Variants in ITPRID1 observed in about 807,000 individuals in gnomAD.
The protein encoded by ITPRID1 is protein ITPRID1.
In ITPRID1, 96 loss-of-function variants were observed where a neutral mutation model predicts 95.4. That is an observed-to-expected ratio of 1.01 (90% CI 0.85 to 1.19). The LOEUF (loss-of-function observed/expected upper bound fraction) is 1.19, where lower values mean the gene tolerates loss of function less well. Among genes scored for constraint, ITPRID1 ranks in the 50% most tolerant of loss-of-function variants. The probability of loss-of-function intolerance (pLI) is 0.00; values close to 1 mark genes in which losing one functional copy is unlikely to be tolerated. For missense variants in ITPRID1, 1,339 were observed against 1,252.9 expected, an observed-to-expected ratio of 1.07 and a Z score of -1.04; for synonymous variants, 510 against 453.6, an observed-to-expected ratio of 1.12 and a Z score of -1.58.
chr7:31,577,457 G>A (rs1785226492), intron 8 of ITPRID1, among the ~76,000 whole-genome samples: 3 of 152,158 alleles, frequency 2.0e-5, no homozygotes, highest in Admixed American at 1.3e-4. Context: ...AGTGATGGTA[G>A]GAATACACAT....
At chr7:31,612,093 G>T (rs1786894555) in intron 10 of ITPRID1, among the ~76,000 whole-genome samples, 1 of 151,726 alleles carries the variant, frequency 6.6e-6, no homozygotes. Flanking sequence ...TTTCAAGGTT[G>T]CTGATTCTTT....
chr7:31,557,147 C>T (rs986566495), intron 5 of ITPRID1, among the ~76,000 whole-genome samples: 1 of 152,022 alleles, frequency 6.6e-6, no homozygotes, highest in African/African-American at 2.4e-5. Flanking sequence ...TAACAATCCA[C>T]AAAGACCCTA....
At chr7:31,626,292 G>A (rs1373589268) in intron 10 of ITPRID1, among the ~76,000 whole-genome samples, 1 of 152,042 alleles carries the variant, frequency 6.6e-6, no homozygotes, top group Non-Finnish European at 1.5e-5. Context: ...TTAAAATTAG[G>A]CCAACTGCAT....
At position 31,574,537 on chromosome 7, in the gene ITPRID1, C is replaced by T. The variant is rs1785106161; in HGVS notation, c.396-3C>T. On this transcript the variant is annotated splice_polypyrimidine_tract_variant and splice_region_variant and intron_variant, in intron 7 of 14. Coordinates refer to ENST00000615280, the MANE Select transcript of ITPRID1 (RefSeq NM_001257967.3). ...ATAAAGATATTCATATTTTTTACCA[C>T]AGCATTCCTGAATGGCTGGAATTTT... is the stretch of plus-strand genomic sequence containing the variant. The T allele has an allele frequency of 2.5e-6, 4 of 1,612,368 alleles. No homozygotes were observed. Among genetic ancestry groups the T allele is most frequent in the Non-Finnish European group, 3.4e-6 (4 of 1,178,536 alleles).
chr7:31,528,769 T>C (rs1783500206), intron 1 of ITPRID1, among the ~76,000 whole-genome samples: 2 of 152,146 alleles, frequency 1.3e-5, no homozygotes, highest in Non-Finnish European at 2.9e-5. Flanking sequence ...TCCTCTTTAA[T>C]CTCAGAACTT....
At chr7:31,562,082 G>A (rs1445353928) in intron 5 of ITPRID1, among the ~76,000 whole-genome samples, 1 of 96,498 alleles carries the variant, frequency 1.0e-5, no homozygotes, top group Non-Finnish European at 2.3e-5. Context: ...CCTGGAGAGA[G>A]TATCTGGTTC....
At chr7:31,539,973 A>G (rs2128132652) in intron 1 of ITPRID1, among the ~76,000 whole-genome samples, 1 of 152,308 alleles carries the variant, frequency 6.6e-6, no homozygotes, top group Non-Finnish European at 1.5e-5. Flanking sequence ...GACCTTAGCC[A>G]TTAGGCTGAT....
intron 6 of ITPRID1, among the ~76,000 whole-genome samples, chr7:31,571,373 G>A (rs1384685078): frequency 6.6e-6 from 1 of 152,128 alleles, no homozygotes; most frequent in African/African-American, 2.4e-5. Flanking sequence ...AACCCAAGTA[G>A]GATACCTTGT....
intron 1 of ITPRID1, among the ~76,000 whole-genome samples, chr7:31,541,310 A>G (rs897311772): frequency 2.0e-5 from 3 of 152,192 alleles, no homozygotes; most frequent in East Asian, 1.9e-4. Flanking sequence ...TAGCTCTTCA[A>G]TAGTCCTGAA....
chr7:31,591,062 A>G (rs2128154348), intron 10 of ITPRID1, among the ~76,000 whole-genome samples: 1 of 152,308 alleles, frequency 6.6e-6, no homozygotes, highest in Non-Finnish European at 1.5e-5. Flanking sequence ...TGCATGGCTC[A>G]TGCATGAGAA....
rs2128222927 is a variant in ITPRID1 at position 31,655,520 on chromosome 7, CT to C, written c.*2695del. ...ATCTACAGTGAATACCCAGAAAGTA[CT>C]TTTAGAATAAGCCAGAGAATGAGAG... On this transcript the variant is annotated 3_prime_UTR_variant, in exon 15 of 15. Coordinates refer to ENST00000615280, the MANE Select transcript of ITPRID1 (RefSeq NM_001257967.3). Among the ~76,000 whole-genome samples, 1 of 152,260 alleles carries C rather than the reference CT, an allele frequency of 6.6e-6. No individual in the cohort carries two copies. The highest frequency in any genetic ancestry group is 2.4e-5 in the African/African-American group (1 of 41,550).
At chr7:31,582,917 C>T (rs919296493) in intron 9 of ITPRID1, among the ~76,000 whole-genome samples, 1 of 152,054 alleles carries the variant, frequency 6.6e-6, no homozygotes, top group Non-Finnish European at 1.5e-5. Flanking sequence ...AGCACTGATC[C>T]TCCCATCCAG....
chr7:31,584,373 C>T (rs1046506212), intron 10 of ITPRID1, among the ~76,000 whole-genome samples: 2 of 152,144 alleles, frequency 1.3e-5, no homozygotes, highest in Admixed American at 1.3e-4. Flanking sequence ...AAGTAATTAC[C>T]ACATAACCTG....
intron 10 of ITPRID1, among the ~76,000 whole-genome samples, chr7:31,612,467 A>T (rs191703656): frequency 1.3e-3 from 194 of 152,194 alleles, no homozygotes; most frequent in African/African-American, 4.6e-3. Flanking sequence ...ATAATATGAA[A>T]ACTCTTGAAC....
At chr7:31,596,303 A>C in intron 10 of ITPRID1, among the ~76,000 whole-genome samples, 1 of 151,406 alleles carries the variant, frequency 6.6e-6, no homozygotes. Context: ...GAAATAGATA[A>C]TTTCTTGTTT....
chr7:31,519,620 C>CTCTCCATATATATATATATATATA lies in ITPRID1; in HGVS notation c.-98+5501_-98+5502insCTCCATATATATATATATATATAT. Among the ~76,000 whole-genome samples the CTCTCCATATATATATATATATATA allele has an allele frequency of 5.1e-4, 13 of 25,270 alleles. 1 individual carries two copies. Among genetic ancestry groups the CTCTCCATATATATATATATATATA allele is most frequent in the East Asian group, 6.0e-3 (2 of 334 alleles). 16.6% of individuals were successfully genotyped at this position (25,270 alleles called of 152,430 possible). A position where few individuals can be genotyped will look rare whatever the true frequency, so the allele number is the denominator to read the frequency against. ...TCTCTCTCTCTCTCTCTCTCTCTCT[C>CTCTCCATATATATATATATATATA]TATATATATATATATATATATATAT... On this transcript the variant is annotated intron_variant, in intron 1 of 14. Coordinates refer to ENST00000615280, the MANE Select transcript of ITPRID1 (RefSeq NM_001257967.3).
chr7:31,592,664 T>A (rs1483429553), intron 10 of ITPRID1, among the ~76,000 whole-genome samples: 4 of 152,222 alleles, frequency 2.6e-5, no homozygotes, highest in Admixed American at 6.5e-5. Context: ...CTTGTGAGAA[T>A]CTAATGCAAC....
At position 31,563,245 on chromosome 7, in the gene ITPRID1, A is replaced by T. The variant is rs556248097; in HGVS notation, c.257-6513A>T. ...GCAATAGGGGTTTGAACAAAGGCAC[A>T]GAAATGAGAAGAAAGCTAAATATGT... On this transcript the variant is annotated intron_variant, in intron 5 of 14. Transcript: ENST00000615280. 6.6e-5 allele frequency among the ~76,000 whole-genome samples: 10 copies of T among 152,378 alleles called. No individual in the cohort carries two copies. In the South Asian group the frequency reaches 1.9e-3, roughly 28 times the overall value.
At chr7:31,639,519 C>G (rs1156551768) in intron 10 of ITPRID1, among the ~76,000 whole-genome samples, 1 of 137,108 alleles carries the variant, frequency 7.3e-6, no homozygotes. Flanking sequence ...TATAGTTTTT[C>G]TTTTGTTTGT....
Sources: allele counts gnomAD v4.1 joint callset (sites outside exome capture counted in the v4.1 genomes callset), GRCh38; gene constraint gnomAD v4.1.1; transcripts MANE v1.5; gene names NCBI Gene and HGNC (gene_info 2026-07-23, HGNC 2026-07-21).